The following TGS1 variants were observed in gnomAD, a reference collection of about 807,000 sequenced individuals.
The protein encoded by TGS1 is trimethylguanosine synthase 1, also known as trimethylguanosine synthase.
A neutral mutation model predicts 92.2 loss-of-function variants in TGS1; 69 were observed. That is an observed-to-expected ratio of 0.75 (90% CI 0.62 to 0.91). TGS1 has a LOEUF of 0.91. Among genes scored for constraint, TGS1 ranks in the 40% least tolerant of loss-of-function variants. The pLI, the probability that TGS1 is intolerant of heterozygous loss-of-function variation, is 0.00. For missense variants in TGS1, 1,062 were observed against 1,001.2 expected (o/e 1.06, Z -0.82); for synonymous variants, 345 against 338.1 (o/e 1.02, Z -0.22).
chr8:55,782,399 C>T (rs1296758845), intron 1 of TGS1, among the ~76,000 whole-genome samples: 1 of 152,112 alleles, frequency 6.6e-6, no homozygotes, highest in Admixed American at 6.5e-5. Flanking sequence ...AGGCTGGTCT[C>T]AAACTCCTGA....
intron 12 of TGS1, among the ~76,000 whole-genome samples, chr8:55,820,318 G>C (rs898622102): frequency 1.3e-5 from 2 of 152,060 alleles, no homozygotes; most frequent in East Asian, 1.9e-4. Context: ...AGGCCGAGGC[G>C]GGCGGATCAC....
chr8:55,822,013 C>CA (rs546693809), intron 12 of TGS1, among the ~76,000 whole-genome samples: 1 of 149,584 alleles, frequency 6.7e-6, no homozygotes, highest in South Asian at 2.1e-4. Context: ...TTTAGAAAGC[C>CA]AAAAAAAGCC....
chr8:55,808,117 G>C (rs1803229694), intron 10 of TGS1, among the ~76,000 whole-genome samples: 1 of 152,168 alleles, frequency 6.6e-6, no homozygotes, highest in Admixed American at 6.5e-5. Context: ...TTTAAGGTCA[G>C]TGCTGATGAA....
chr8:55,810,030 G>A (rs1264758745), intron 10 of TGS1, among the ~76,000 whole-genome samples: 3 of 152,172 alleles, frequency 2.0e-5, no homozygotes, highest in African/African-American at 7.2e-5. Context: ...GTTATAATTG[G>A]TGCTTATATT....
At chr8:55,780,888 G>A (rs1326480482) in intron 1 of TGS1, among the ~76,000 whole-genome samples, 2 of 152,170 alleles carry the variant, frequency 1.3e-5, no homozygotes, top group African/African-American at 4.8e-5. Flanking sequence ...AGTTCCCAGT[G>A]GGGAACTCTT....
intron 1 of TGS1, among the ~76,000 whole-genome samples, chr8:55,779,268 T>G (rs1811488529): frequency 6.6e-6 from 1 of 152,240 alleles, no homozygotes; most frequent in South Asian, 2.1e-4. Context: ...TTGGAGATAC[T>G]TGAAAGTTTT....
Position 55,825,029 on chromosome 8 carries a change from C to T in TGS1, c.*326C>T. 4.9e-6 allele frequency: 1 copy of T among 203,664 alleles called. No individual in the cohort carries two copies. Among genetic ancestry groups the T allele is most frequent in the Non-Finnish European group, 9.9e-6 (1 of 100,590 alleles). 12.6% of individuals were successfully genotyped at this position (203,664 alleles called of 1,614,324 possible). A position where few individuals can be genotyped will look rare whatever the true frequency, so the allele number is the denominator to read the frequency against. On this transcript the variant is annotated 3_prime_UTR_variant, in exon 13 of 13. Coordinates refer to ENST00000260129, the MANE Select transcript of TGS1 (RefSeq NM_024831.8). The stretch of plus-strand genomic sequence containing the variant: ...TTCAGCCTTCTGAGTTCAAGCAATC[C>T]TTCTGTCTCAGTCTCCTCAGTAGCT...
chr8:55,816,821 A>G (rs1266706337), intron 12 of TGS1, among the ~76,000 whole-genome samples: 1 of 152,074 alleles, frequency 6.6e-6, no homozygotes, highest in Non-Finnish European at 1.5e-5. Context: ...TAAGTATAAA[A>G]TTGATGTTAG....
intron 12 of TGS1, among the ~76,000 whole-genome samples, chr8:55,822,559 T>C (rs570596390): frequency 9.7e-5 from 14 of 144,436 alleles, no homozygotes; most frequent in African/African-American, 2.3e-4. Flanking sequence ...CTTTTTTTTT[T>C]TTCCCCCTTT....
rs1452926651 is a variant in TGS1 at position 55,811,015 on chromosome 8, G to A, written c.2278G>A (p.Val760Met). The change falls in exon 11 of 13, where the codon GTG becomes ATG. Residue 760 changes from valine to methionine, a missense_variant. By Grantham distance (21) the Val-to-Met change is conservative. Transcript: ENST00000260129. ...LLASFLKADV[V>M]FLSPPWGGPD... ...GGCTTCTTTTTTAAAGGCTGATGTT[G>A]TGTTCCTCAGCCCACCTTGGGGAGG... is the stretch of plus-strand genomic sequence containing the variant. 4 of 1,614,070 alleles carry A rather than the reference G, an allele frequency of 2.5e-6. No homozygotes were observed. Among genetic ancestry groups the A allele is most frequent in the Non-Finnish European group, 3.4e-6 (4 of 1,180,034 alleles).
At chr8:55,815,918 T>TTTTATTTATTTATTTA (rs142853626) in intron 12 of TGS1, among the ~76,000 whole-genome samples, 1 of 150,546 alleles carries the variant, frequency 6.6e-6, no homozygotes, top group African/African-American at 2.4e-5. Flanking sequence ...AAGGACTAAT[T>TTTTATTTATTTATTTA]TTTATTTATT....
intron 1 of TGS1, among the ~76,000 whole-genome samples, chr8:55,777,844 G>T (rs1002194430): frequency 1.3e-5 from 2 of 151,922 alleles, no homozygotes; most frequent in African/African-American, 4.8e-5. Context: ...GATTACTATC[G>T]CAATTATCCT....
intron 2 of TGS1, among the ~76,000 whole-genome samples, chr8:55,785,058 G>A (rs1374993946): frequency 7.0e-6 from 1 of 143,588 alleles, no homozygotes; most frequent in Non-Finnish European, 1.5e-5. Flanking sequence ...GGTGTTTTTT[G>A]TTTTTTGTTT....
chr8:55,786,741 C>G lies in TGS1; in HGVS notation c.843C>G (p.Asp281Glu). Residue 281 changes from aspartate to glutamate, a missense_variant, in exon 4 of 13, where the codon GAC becomes GAG. By Grantham distance (45) the Asp-to-Glu change is conservative. Transcript: ENST00000260129. ...ACACATCTAAAACAGAAGCTGATGA[C>G]AAGAACGATGAAAAATGCATGAAAG... ...DTYTSKTEAD[D>E]KNDEKCMKVD... 4 of 1,614,122 alleles carry G rather than the reference C, an allele frequency of 2.5e-6. No homozygotes were observed. Among genetic ancestry groups the G allele is most frequent in the Non-Finnish European group, 3.4e-6 (4 of 1,180,026 alleles).
chr8:55,793,616 G>A (rs1811947649), intron 6 of TGS1, among the ~76,000 whole-genome samples: 1 of 152,032 alleles, frequency 6.6e-6, no homozygotes, highest in South Asian at 2.1e-4. Context: ...CACCCAGGTT[G>A]CAGCACAGTG....
intron 12 of TGS1, among the ~76,000 whole-genome samples, chr8:55,817,259 CAG>C (rs1171559477): frequency 6.6e-6 from 1 of 152,098 alleles, no homozygotes; most frequent in Non-Finnish European, 1.5e-5. Flanking sequence ...CTCATTGTAA[CAG>C]TCACTTCTAA....
chr8:55,801,634 G>A (rs1369490447), intron 8 of TGS1, among the ~76,000 whole-genome samples: 1 of 124,284 alleles, frequency 8.0e-6, no homozygotes, highest in African/African-American at 3.2e-5. Context: ...TGTTGCCCAG[G>A]CTGGAGTGCA....
intron 1 of TGS1, among the ~76,000 whole-genome samples, chr8:55,781,099 CCT>C (rs1471646402): frequency 6.6e-6 from 1 of 152,112 alleles, no homozygotes; most frequent in East Asian, 1.9e-4. Flanking sequence ...GCTCCTGTGC[CCT>C]CTTAGTAGAG....
At chr8:55,821,194 A>G (rs1474681630) in intron 12 of TGS1, among the ~76,000 whole-genome samples, 4 of 152,208 alleles carry the variant, frequency 2.6e-5, no homozygotes, top group African/African-American at 9.6e-5. Context: ...GAGTTTTCTC[A>G]CTATATTTTG....
Sources: gnomAD v4.1 joint callset for allele counts (sites outside exome capture counted in the v4.1 genomes callset) on GRCh38, gnomAD v4.1.1 for gene constraint, MANE v1.5 for transcripts, NCBI Gene and HGNC (gene_info 2026-07-23, HGNC 2026-07-21) for gene names.